KLRD1: variants seen among roughly 807,000 people sequenced by gnomAD.
KLRD1 encodes the protein killer cell lectin like receptor D1.
KLRD1 carries 21 observed loss-of-function variants against 22.6 expected under a neutral mutation model. The ratio of observed to expected loss-of-function variants is 0.93; its 90% confidence interval spans 0.66 to 1.34. The LOEUF (loss-of-function observed/expected upper bound fraction) is 1.34, where lower values mean the gene tolerates loss of function less well. KLRD1 is among the 40% of genes most tolerant of loss of function. KLRD1 has a pLI of 0.00. For synonymous variants in KLRD1, 59 were observed against 71.1 expected, an observed-to-expected ratio of 0.83 and a Z score of 0.85; for missense variants, 183 against 208.6, an observed-to-expected ratio of 0.88 and a Z score of 0.76.
chr12:10,286,662 C>CTTTTTTTTTTT (rs747241701), intron 1 of KLRD1, among the ~76,000 whole-genome samples: 4 of 54,810 alleles, frequency 7.3e-5, no homozygotes, highest in Non-Finnish European at 9.1e-5. Context: ...GCTTATGGTG[C>CTTTTTTTTTTT]TTTTTTTTTT....
chr12:10,281,528 G>A (rs967535448), intron 1 of KLRD1, among the ~76,000 whole-genome samples: 1 of 152,108 alleles, frequency 6.6e-6, no homozygotes, highest in African/African-American at 2.4e-5. Context: ...ACAAGTGCAG[G>A]TTCATTGCCC....
In KLRD1 at chr12:10,315,220, G is replaced by A; in HGVS notation, c.*427G>A. The stretch of plus-strand genomic sequence containing the variant: ...AGATCATAGCTCATTGCAAGCTCAA[G>A]TGATCCTCCTGACTCAGCCTCCCAA... On this transcript the variant is annotated 3_prime_UTR_variant, in exon 6 of 6. Transcript: ENST00000336164. 1 of 416,734 alleles carries A rather than the reference G, an allele frequency of 2.4e-6. No homozygotes were observed. Among genetic ancestry groups the A allele is most frequent in the Admixed American group, 2.7e-5 (1 of 36,930 alleles). 25.8% of individuals were successfully genotyped at this position (416,734 alleles called of 1,614,324 possible).
In KLRD1 at chr12:10,325,251, C is replaced by T. The variant is rs1483969227; in HGVS notation, c.*10458C>T. The T allele has an allele frequency of 6.6e-6, 1 of 151,986 alleles. No individual in the cohort carries two copies. Among genetic ancestry groups the T allele is most frequent in the Non-Finnish European group, 1.5e-5 (1 of 67,958 alleles). 9.4% of individuals were successfully genotyped at this position (151,986 alleles called of 1,614,324 possible). ...ATATGCTTTTATTAAATGTTTTATT[C>T]TGCCTCGATTGAAATCAGATAGTTT... On this transcript the variant is annotated 3_prime_UTR_variant, in exon 6 of 6. Transcript: ENST00000336164.
At chr12:10,298,455 G>C (rs529658578) in intron 1 of KLRD1, among the ~76,000 whole-genome samples, 2 of 152,294 alleles carry the variant, frequency 1.3e-5, no homozygotes, top group Non-Finnish European at 1.5e-5. Flanking sequence ...AAATTTAACA[G>C]TTTTATTTCC....
At chr12:10,264,698 G>GTGTGTGTT (rs1388759713) in intron 1 of KLRD1, among the ~76,000 whole-genome samples, 1 of 152,004 alleles carries the variant, frequency 6.6e-6, no homozygotes, top group African/African-American at 2.4e-5. Flanking sequence ...GTGTGTGTGT[G>GTGTGTGTT]TGTGTAGTGA....
intron 1 of KLRD1, among the ~76,000 whole-genome samples, chr12:10,247,042 C>G (rs1482083418): frequency 1.3e-5 from 2 of 150,618 alleles, no homozygotes; most frequent in African/African-American, 4.9e-5. Context: ...AAGTGATTCT[C>G]CTGCCTTAGC....
chr12:10,309,107 A>G lies in KLRD1; in HGVS notation c.8-281A>G, dbSNP rs76836226. 2,073 of 275,360 alleles carry G rather than the reference A, an allele frequency of 7.5e-3. 49 individuals are homozygous for G. Among genetic ancestry groups the G allele is most frequent in the African/African-American group, 0.042 (1,925 of 45,686 alleles). The allele number at this position is 275,360 out of a possible 1,614,324, so 17.1% of individuals were successfully genotyped here. ...ATCTTCTACCTCCAGATCTTTAAGCACCTCTGCCAATTTAAAATAAATGGT... is the reference window on the plus strand; with the variant it reads ...ATCTTCTACCTCCAGATCTTTAAGCGCCTCTGCCAATTTAAAATAAATGGT... On this transcript the variant is annotated intron_variant, in intron 1 of 5. Coordinates refer to ENST00000336164, the MANE Select transcript of KLRD1 (RefSeq NM_002262.5).
chr12:10,265,003 C>T (rs1199515000), intron 1 of KLRD1, among the ~76,000 whole-genome samples: 2 of 152,038 alleles, frequency 1.3e-5, no homozygotes, highest in Non-Finnish European at 2.9e-5. Context: ...CCAAGTTCAT[C>T]CATGTTTTCA....
At chr12:10,313,944 A>G (rs1157164281) in intron 5 of KLRD1, among the ~76,000 whole-genome samples, 2 of 152,172 alleles carry the variant, frequency 1.3e-5, no homozygotes, top group South Asian at 2.1e-4. Context: ...TTCATCCTAT[A>G]TCTTTTGTCA....
chr12:10,268,005 T>G (rs1300722400), intron 1 of KLRD1, among the ~76,000 whole-genome samples: 1 of 152,176 alleles, frequency 6.6e-6, no homozygotes, highest in East Asian at 1.9e-4. Flanking sequence ...CTTTTAAAAT[T>G]TACACTGAAT....
At chr12:10,282,776 A>G (rs977195599) in intron 1 of KLRD1, among the ~76,000 whole-genome samples, 1 of 152,140 alleles carries the variant, frequency 6.6e-6, no homozygotes, top group Non-Finnish European at 1.5e-5. Flanking sequence ...GTAATGTCAA[A>G]TGAGCGACGT....
chr12:10,309,410 G>T lies in KLRD1; in HGVS notation c.30G>T (p.Arg10Ser). 6.6e-7 allele frequency: 1 copy of T among 1,525,746 alleles called. No individual in the cohort carries two copies. 94.5% of individuals were successfully genotyped at this position (1,525,746 alleles called of 1,614,324 possible). A position where few individuals can be genotyped will look rare whatever the true frequency, so the allele number is the denominator to read the frequency against. The change falls in exon 2 of 6, where the codon AGG becomes AGT. Residue 10 changes from arginine (R) to serine (S), a missense_variant. By Grantham distance (110) the Arg-to-Ser change is moderately radical. Coordinates refer to ENST00000336164, the MANE Select transcript of KLRD1 (RefSeq NM_002262.5). ...CAGTGTTTAAGACCACTCTGTGGAG[G>T]TTAATTTCTGGGACCTTAGGGATAA... Reference protein sequence around the residue: MAVFKTTLWRLISGTLGIIC... With the variant: MAVFKTTLWSLISGTLGIIC...
At chr12:10,305,440 A>T (rs1949907936), upstream of KLRD1, among the ~76,000 whole-genome samples, 1 of 152,234 alleles carries the variant, frequency 6.6e-6, no homozygotes, top group Admixed American at 6.5e-5. Context: ...AGGAAATGTA[A>T]TAGGAAAGGG....
rs1388733276 is a variant in KLRD1, at chr12:10,241,819, A to G, written c.-101+15586A>G. ...GTATATGCACACATTCACATATAGA[A>G]TGGATATTTTTGTACTGTTTACTAA... On this transcript the variant is annotated intron_variant, in intron 1 of 5. Transcript: ENST00000544747. Among the ~76,000 whole-genome samples, 4 of 152,226 alleles carry G rather than the reference A, an allele frequency of 2.6e-5. No homozygotes were observed. In the East Asian group the frequency reaches 7.7e-4, roughly 29 times the overall value.
chr12:10,260,894 A>G (rs987423181), intron 1 of KLRD1, among the ~76,000 whole-genome samples: 1 of 151,996 alleles, frequency 6.6e-6, no homozygotes, highest in African/African-American at 2.4e-5. Flanking sequence ...GTGAGCTGAG[A>G]TCATGCTACT....
At chr12:10,244,655 C>T (rs535057945) in intron 1 of KLRD1, among the ~76,000 whole-genome samples, 6 of 151,866 alleles carry the variant, frequency 4.0e-5, no homozygotes, top group South Asian at 2.1e-4. Flanking sequence ...TGGTGGTGGA[C>T]GCCTGTAATC....
chr12:10,283,913 T>C (rs12315681), intron 1 of KLRD1, among the ~76,000 whole-genome samples: 22,532 of 151,570 alleles, frequency 0.15, 3,047 homozygotes, highest in African/African-American at 0.36. Context: ...TGGTGGCTCA[T>C]GCCTGTAATC....
At chr12:10,298,190 A>G (rs1251060307) in intron 1 of KLRD1, among the ~76,000 whole-genome samples, 2 of 152,218 alleles carry the variant, frequency 1.3e-5, no homozygotes, top group Non-Finnish European at 2.9e-5. Context: ...GAAAGCCTGG[A>G]GTTACAAAGA....
intron 1 of KLRD1, among the ~76,000 whole-genome samples, chr12:10,260,775 C>T (rs1949445654): frequency 6.6e-6 from 1 of 152,036 alleles, no homozygotes; most frequent in South Asian, 2.1e-4. Flanking sequence ...CCCGTCTCTA[C>T]TAAAAAATAC....
Sources: gnomAD v4.1 joint callset for allele counts (sites outside exome capture counted in the v4.1 genomes callset) on GRCh38, gnomAD v4.1.1 for gene constraint, MANE v1.5 for transcripts, NCBI Gene and HGNC (gene_info 2026-07-23, HGNC 2026-07-21) for gene names.